Variants in SHOX observed in about 807,000 individuals in gnomAD.
SHOX encodes the protein short stature homeobox protein.
Under a neutral mutation model 29.6 loss-of-function variants are expected in SHOX, and 12 were observed. The ratio of observed to expected loss-of-function variants is 0.41; its 90% CI spans 0.26 to 0.66. The LOEUF (loss-of-function observed/expected upper bound fraction) is 0.66. Among genes scored for constraint, SHOX ranks in the 30% least tolerant of loss-of-function variants. SHOX has a pLI of 0.35. For synonymous variants in SHOX, 214 were observed against 200.6 expected (o/e 1.07, Z -0.57); for missense variants, 499 against 437.7 (o/e 1.14, Z -1.25).
At chrX:624,839 C>G (rs1234346694) in intron 1 of SHOX, among the ~76,000 whole-genome samples, 11 of 134,544 alleles carry the variant, frequency 8.2e-5, no homozygotes, top group African/African-American at 3.0e-4. Context: ...TCCTTCCTTC[C>G]TTCCTCTCTT....
At chrX:656,376 C>G (rs1418105635), downstream of SHOX, among the ~76,000 whole-genome samples, 16 of 151,346 alleles carry the variant, frequency 1.1e-4, no homozygotes, top group Non-Finnish European at 2.2e-4. Flanking sequence ...GAGTTCGAGA[C>G]CAACCTCAGC....
At chrX:643,720 G>A (rs1250107104) in intron 4 of SHOX, among the ~76,000 whole-genome samples, 1 of 133,692 alleles carries the variant, frequency 7.5e-6, no homozygotes, top group Non-Finnish European at 1.6e-5. Context: ...GACACCTGGT[G>A]TCCCGGGAGA....
intron 2 of SHOX, among the ~76,000 whole-genome samples, chrX:639,784 T>C (rs996087027): frequency 6.6e-6 from 1 of 151,812 alleles, no homozygotes; most frequent in Non-Finnish European, 1.5e-5. Context: ...GGTGGATCGC[T>C]TGAGGTCAGG....
chrX:644,154 T>C (rs1469193771), intron 4 of SHOX, among the ~76,000 whole-genome samples: 1 of 152,126 alleles, frequency 6.6e-6, no homozygotes, highest in African/African-American at 2.4e-5. Flanking sequence ...CCCATGCGCT[T>C]TGCAGGGAGC....
chrX:652,131 G>C (rs1161155759), downstream of SHOX, among the ~76,000 whole-genome samples: 1 of 151,950 alleles, frequency 6.6e-6, no homozygotes, highest in Non-Finnish European at 1.5e-5. Context: ...CACCGTGTTG[G>C]TCAGGCTGGT....
chrX:633,497 C>T (rs2052684588), intron 1 of SHOX, among the ~76,000 whole-genome samples: 2 of 151,866 alleles, frequency 1.3e-5, no homozygotes, highest in Non-Finnish European at 2.9e-5. Flanking sequence ...GTGGGAGGGC[C>T]CTGGTGTGGA....
Position 650,943 on chromosome X carries a change from G to A in SHOX, c.*6307G>A, listed in dbSNP as rs1285165739. Reference sequence around the variant, plus strand: ...GAAATTTGATATTTAATGAGAAGCCGGTTAAGGAATGTAGACAATATCCCG... The same window carrying A: ...GAAATTTGATATTTAATGAGAAGCCAGTTAAGGAATGTAGACAATATCCCG... On this transcript the variant is annotated 3_prime_UTR_variant, in exon 5 of 5. Transcript: ENST00000686671. Among the ~76,000 whole-genome samples, 5 of 151,942 alleles carry A rather than the reference G, an allele frequency of 3.3e-5. No homozygotes were observed. The highest frequency in any genetic ancestry group is 7.3e-5 in the African/African-American group (3 of 41,360).
Position 649,855 on chromosome X carries a change from A to G in SHOX, c.*5219A>G. ...CAGTCGCCGCAGTTGAGCAAAAAAC[A>G]CTTCTTCCTTTGAGTGGCTGTTCTG... On this transcript the variant is annotated 3_prime_UTR_variant, in exon 5 of 5. Transcript: ENST00000686671. 2 of 454,676 alleles carry G rather than the reference A, an allele frequency of 4.4e-6. No homozygotes were observed. The highest frequency in any genetic ancestry group is 3.1e-5 in the South Asian group (2 of 64,320). The allele number at this position is 454,676 out of a possible 1,614,324, so 28.2% of individuals were successfully genotyped here.
At chrX:630,550 TGC>T (rs2052628812), upstream of SHOX, 6 of 436,920 alleles carry the variant, frequency 1.4e-5, no homozygotes, top group South Asian at 2.5e-5. Context: ...GCCCCCCTCC[TGC>T]GCGCGCGCTC....
chrX:643,870 GCTTGGGAGCCTGGTGTCCCGGGAGAGC>G (rs1415807926), intron 4 of SHOX, among the ~76,000 whole-genome samples: 11 of 142,218 alleles, frequency 7.7e-5, no homozygotes, highest in Admixed American at 2.7e-4. Context: ...CCCGGGAGAG[GCTTGGGAGCCTGGTGTCCCGGGAGAGC>G]CTTGGGGACC....
rs1323108617 is a variant in SHOX, at chrX:648,854, A to G, written c.*4218A>G. ...AAGAAATTCAGCTTGGGCTGTGACC[A>G]GTTCTCACCACCAACGCCCTCTTCT... On this transcript the variant is annotated 3_prime_UTR_variant, in exon 5 of 5. Transcript: ENST00000686671. Among the ~76,000 whole-genome samples, 1 of 151,194 alleles carries G rather than the reference A, an allele frequency of 6.6e-6. No individual in the cohort carries two copies. Among genetic ancestry groups the G allele is most frequent in the Admixed American group, 6.6e-5 (1 of 15,200 alleles).
intron 5 of SHOX, among the ~76,000 whole-genome samples, chrX:657,538 A>G (rs1175514169): frequency 2.6e-5 from 4 of 152,180 alleles, no homozygotes; most frequent in Admixed American, 6.5e-5. Flanking sequence ...GAACCTGCAC[A>G]AAGAACCTGC....
chrX:625,426 C>G (rs1043615019), intron 1 of SHOX, among the ~76,000 whole-genome samples: 1 of 152,066 alleles, frequency 6.6e-6, no homozygotes, highest in African/African-American at 2.4e-5. Context: ...TGAAAAGTCT[C>G]TTCTCATCGG....
chrX:644,307 G>A (rs892677014), intron 4 of SHOX, 84 bp from the exon 5 acceptor site: 40 of 1,432,146 alleles, frequency 2.8e-5, no homozygotes, highest in Non-Finnish European at 3.2e-5. Context: ...GAAGAGGCAC[G>A]TTGGAGGTTT....
rs1275561624 is a variant in SHOX at position 645,370 on chromosome X, T to G, written c.*734T>G. 6.8e-6 allele frequency: 1 copy of G among 147,764 alleles called. No individual in the cohort carries two copies. The highest frequency in any genetic ancestry group is 1.5e-5 in the Non-Finnish European group (1 of 67,136). 9.2% of individuals were successfully genotyped at this position (147,764 alleles called of 1,614,324 possible). A position where few individuals can be genotyped will look rare whatever the true frequency, so the allele number is the denominator to read the frequency against. The stretch of plus-strand genomic sequence containing the variant: ...CAGTGTTTGATTCCCAAATTGGGTC[T>G]GGTTTTGTTTTGGATTGGTATTTTT... On this transcript the variant is annotated 3_prime_UTR_variant, in exon 5 of 5. Transcript: ENST00000686671.
Position 651,348 on chromosome X carries a change from A to G in SHOX, c.*6712A>G. Reference sequence around the variant, plus strand: ...CGTTTCCCAAACCAACAGTCTTCACATTTCTATCCCTCTGTTATTGTCGGC... The same window carrying G: ...CGTTTCCCAAACCAACAGTCTTCACGTTTCTATCCCTCTGTTATTGTCGGC... On this transcript the variant is annotated 3_prime_UTR_variant, in exon 5 of 5. Coordinates refer to ENST00000686671, the MANE Select transcript of SHOX (RefSeq NM_000451.4). The G allele has an allele frequency of 2.2e-6, 1 of 455,606 alleles. No individual in the cohort carries two copies. Among genetic ancestry groups the G allele is most frequent in the Non-Finnish European group, 4.4e-6 (1 of 226,734 alleles). 28.2% of individuals were successfully genotyped at this position (455,606 alleles called of 1,614,324 possible). A position where few individuals can be genotyped will look rare whatever the true frequency, so the allele number is the denominator to read the frequency against.
At chrX:631,999 G>A in intron 1 of SHOX, 1 of 456,092 alleles carries the variant, frequency 2.2e-6, no homozygotes, top group Non-Finnish European at 4.4e-6. Flanking sequence ...TAGGAGACGG[G>A]AAGGCCCCGG....
intron 4 of SHOX, among the ~76,000 whole-genome samples, chrX:642,681 C>A (rs762442413): frequency 6.6e-6 from 1 of 152,228 alleles, no homozygotes; most frequent in African/African-American, 2.4e-5. Context: ...GCCTGCCTGG[C>A]TTTGCGCACC....
At chrX:630,130 T>TCCG (rs2052620263), upstream of SHOX, among the ~76,000 whole-genome samples, 1 of 152,102 alleles carries the variant, frequency 6.6e-6, no homozygotes, top group African/African-American at 2.4e-5. Context: ...ATCCTCGGCC[T>TCCG]CCGCCGCCGC....
Sources: gnomAD v4.1 joint callset for allele counts (sites outside exome capture counted in the v4.1 genomes callset) on GRCh38, gnomAD v4.1.1 for gene constraint, MANE v1.5 for transcripts, NCBI Gene and HGNC (gene_info 2026-07-23, HGNC 2026-07-21) for gene names.